The following FBF1 variants were observed in gnomAD, a reference collection of about 807,000 sequenced individuals.
The protein encoded by FBF1 is Fas binding factor 1, also known as fas-binding factor 1.
FBF1 carries 119 observed loss-of-function variants against 147.2 expected under a neutral mutation model. The ratio of observed to expected loss-of-function variants is 0.81; its 90% CI spans 0.70 to 0.94. FBF1 has a LOEUF of 0.94. Ranked by LOEUF, FBF1 falls within the 40% of genes least tolerant of loss-of-function variation. FBF1 has a pLI of 0.00. For synonymous variants in FBF1, 601 were observed against 609.0 expected (o/e 0.99, Z 0.19); for missense variants, 1,449 against 1,500.8 (o/e 0.97, Z 0.57).
Position 75,923,697 on chromosome 17 carries a change from C to T in FBF1, c.969-56G>A. On this transcript the variant is annotated intron_variant, in intron 13 of 29. Transcript: ENST00000636174. This position sits in a 1 kb window ranked among gnomAD's most constrained non-coding sequence, Gnocchi z 4.1. Reference sequence around the variant, plus strand: ...GGGAAACAGCCAGTCCCAGTGGCCCCCTAGCAGCCTGCAGCTGGGCGTCAC... The same window carrying T: ...GGGAAACAGCCAGTCCCAGTGGCCCTCTAGCAGCCTGCAGCTGGGCGTCAC... 6.8e-7 allele frequency: 1 copy of T among 1,472,616 alleles called. No individual in the cohort carries two copies. Among genetic ancestry groups the T allele is most frequent in the Admixed American group, 2.2e-5 (1 of 44,836 alleles). 91.2% of individuals were successfully genotyped at this position (1,472,616 alleles called of 1,614,324 possible).
rs563894839 is a variant in FBF1 at position 75,917,660 on chromosome 17, T to C, written c.2505+72A>G. 5.5e-5 allele frequency: 77 copies of C among 1,387,398 alleles called. 1 individual carries two copies. The African/African-American group carries it at 9.7e-4, about 17-fold the overall frequency. The allele number at this position is 1,387,398 out of a possible 1,614,324, so 85.9% of individuals were successfully genotyped here. On this transcript the variant is annotated intron_variant, in intron 23 of 29. Coordinates refer to ENST00000636174, the MANE Select transcript of FBF1 (RefSeq NM_001319193.2). ...GGAAGTGAGGTCACGGGAGTGCCGC[T>C]ACACTTGCGGGTGCCCTGGAGAAGA...
At chr17:75,921,113 G>C in intron 17 of FBF1, 131 bp downstream of exon 17, 2 of 917,766 alleles carry the variant, frequency 2.2e-6, no homozygotes, top group South Asian at 3.1e-5. Flanking sequence ...CGGGGAGCTG[G>C]CTGACGTCAC....
chr17:75,914,574 C>G, intron 25 of FBF1, 173 bp downstream of exon 25: 1 of 829,656 alleles, frequency 1.2e-6, no homozygotes. Flanking sequence ...TATAATGCAC[C>G]TGGGACAATA....
At chr17:75,931,360 G>T in intron 5 of FBF1, 71 bp from the exon 6 acceptor site, 1 of 1,387,190 alleles carries the variant, frequency 7.2e-7, no homozygotes, top group Non-Finnish European at 1.0e-6. Context: ...GGGAGGAGTA[G>T]CTTAGAAAGC....
In FBF1 at chr17:75,912,255, G is replaced by A. The variant is rs780232967; in HGVS notation, c.3300C>T (p.Gly1100=). Residue 1100 remains glycine, a synonymous_variant, in exon 29 of 30, where the codon GGC becomes GGT. Transcript: ENST00000636174. ...TTRWCSQPPT[G]LDPSPLHLHA... is the part of the protein sequence containing the mutation. ...GGAGGTGCAAGGGGCTGGGGTCCAG[G>A]CCAGTTGGCGGCTGGCTGCACCAAC... The A allele has an allele frequency of 6.2e-7, 1 of 1,610,958 alleles. No homozygotes were observed. The highest frequency in any genetic ancestry group is 1.1e-5 in the South Asian group (1 of 90,580).
Position 75,910,787 on chromosome 17 carries a change from T to C in FBF1, c.3383A>G (p.Asn1128Ser). 6.2e-7 allele frequency: 1 copy of C among 1,610,966 alleles called. No homozygotes were observed. The highest frequency in any genetic ancestry group is 8.5e-7 in the Non-Finnish European group (1 of 1,178,686). Residue 1128 changes from asparagine (N) to serine (S), a missense_variant, in exon 30 of 30, where the codon AAT (asparagine) becomes AGT (serine). Transcript: ENST00000636174. The surrounding 1 kb of genome is among the most constrained non-coding windows in gnomAD (Gnocchi z 4.1). ...MAEQDRDFLE[N>S]EQFFLETLKK... is the part of the protein sequence containing the mutation. ...CAGGGTCTCCAGGAAGAACTGTTCA[T>C]TCTCCAAGAAGTCACGGTCCTGCAA...
At position 75,910,530 on chromosome 17, in the gene FBF1, G is replaced by A. The variant is rs1458982827; in HGVS notation, c.*193C>T. ...ATGGTAAGATAGCCTACACCACAGA[G>A]CCCCAGAGGCAGGGGCTGCCCCGGG... is the stretch of plus-strand genomic sequence containing the variant. On this transcript the variant is annotated 3_prime_UTR_variant, in exon 30 of 30. Coordinates refer to ENST00000636174, the MANE Select transcript of FBF1 (RefSeq NM_001319193.2). This position sits in a 1 kb window ranked among gnomAD's most constrained non-coding sequence, Gnocchi z 4.1. The A allele has an allele frequency of 5.1e-6, 3 of 582,996 alleles. No individual in the cohort carries two copies. Among genetic ancestry groups the A allele is most frequent in the Non-Finnish European group, 9.2e-6 (3 of 327,648 alleles). The allele number at this position is 582,996 out of a possible 1,614,324, so 36.1% of individuals were successfully genotyped here. A position where few individuals can be genotyped will look rare whatever the true frequency, so the allele number is the denominator to read the frequency against.
rs202089990 is a variant in FBF1 at position 75,926,131 on chromosome 17, T to A, written c.767A>T (p.Asp256Val). The A allele has an allele frequency of 3.8e-5, 62 of 1,610,632 alleles. No individual in the cohort carries two copies. Among genetic ancestry groups the A allele is most frequent in the Admixed American group, 3.5e-4 (21 of 59,474 alleles). ...GGCCATGCCTCGACCCAGCAGCTCA[T>A]CCAGCGTGGAGCGAGCAGGGCGAGG... is the stretch of plus-strand genomic sequence containing the variant. ...EGPRPARSTL[D>V]ELLGRGMATK... Residue 256 changes from aspartate to valine, a missense_variant, in exon 12 of 30, where the codon GAT becomes GTT. Transcript: ENST00000636174.
At chr17:75,939,069 G>A (rs2065643506) in intron 1 of FBF1, among the ~76,000 whole-genome samples, 1 of 152,094 alleles carries the variant, frequency 6.6e-6, no homozygotes, top group Non-Finnish European at 1.5e-5. Flanking sequence ...GCTGAGGTGG[G>A]CAGATCATTT....
intron 25 of FBF1, 95 bp downstream of exon 25, chr17:75,914,652 A>G (rs2065476600): frequency 1.5e-6 from 2 of 1,296,270 alleles, no homozygotes. Context: ...CATTAGTGCT[A>G]CACTCTCCTT....
Position 75,926,021 on chromosome 17 carries a change from C to A in FBF1, c.868+9G>T, listed in dbSNP as rs2065558993. 1.9e-6 allele frequency: 3 copies of A among 1,600,524 alleles called. No individual in the cohort carries two copies. Among genetic ancestry groups the A allele is most frequent in the East Asian group, 4.5e-5 (2 of 44,670 alleles). On this transcript the variant is annotated intron_variant, in intron 12 of 29. Transcript: ENST00000636174. ...CCCGTCCTGTTGCGGCCCCCGCAAGCCTCCTTACCCTGTGGCCTCTGGTAC... is the reference window on the plus strand; with the variant it reads ...CCCGTCCTGTTGCGGCCCCCGCAAGACTCCTTACCCTGTGGCCTCTGGTAC...
intron 23 of FBF1, 104 bp downstream of exon 23, chr17:75,917,628 C>T (rs1435527528): frequency 2.8e-6 from 3 of 1,064,982 alleles, no homozygotes; most frequent in African/African-American, 3.1e-5. Context: ...GGGCCTTGAC[C>T]TCCTGAGGAA....
intron 4 of FBF1, among the ~76,000 whole-genome samples, chr17:75,933,871 A>T (rs1567864031): frequency 6.6e-6 from 1 of 152,210 alleles, no homozygotes; most frequent in Non-Finnish European, 1.5e-5. Context: ...TACCCACTTT[A>T]CACCCTCTAG....
At position 75,912,243 on chromosome 17, in the gene FBF1, G is replaced by A; in HGVS notation, c.3312C>T (p.Ser1104=). 1.2e-6 allele frequency: 2 copies of A among 1,611,562 alleles called. No homozygotes were observed. The highest frequency in any genetic ancestry group is 8.5e-7 in the Non-Finnish European group (1 of 1,179,330). The stretch of plus-strand genomic sequence containing the variant: ...CCAGCCTGGCATGGAGGTGCAAGGG[G>A]CTGGGGTCCAGGCCAGTTGGCGGCT... ...CSQPPTGLDP[S]PLHLHARLAL... is the part of the protein sequence containing the mutation. The change falls in exon 29 of 30, where the codon AGC becomes AGT. Residue 1104 remains serine (S), a synonymous_variant. Transcript: ENST00000636174.
Position 75,920,364 on chromosome 17 carries a change from C to A in FBF1, c.1740G>T (p.Leu580=). 1 of 1,606,144 alleles carries A rather than the reference C, an allele frequency of 6.2e-7. No homozygotes were observed. The highest frequency in any genetic ancestry group is 8.5e-7 in the Non-Finnish European group (1 of 1,176,984). ...LPSTEYQKQL[L]AAQVQLQCSP... ...TGCACTGAAGTTGCACCTGTGCTGC[C>A]AGGAGCTGCTTCTGGTATTCTGTGC... The change falls in exon 18 of 30, where the codon CTG becomes CTT. Residue 580 remains leucine (L), a synonymous_variant. Transcript: ENST00000636174.
At chr17:75,926,947 G>A in intron 9 of FBF1, 70 bp from the exon 10 acceptor site, 6 of 1,553,184 alleles carry the variant, frequency 3.9e-6, no homozygotes, top group Non-Finnish European at 5.2e-6. Context: ...CTGAACTGGG[G>A]AGCAGCGCTC....
chr17:75,925,944 G>A lies in FBF1; in HGVS notation c.868+86C>T, dbSNP rs2065558318. The A allele has an allele frequency of 5.4e-6, 8 of 1,470,978 alleles. No individual in the cohort carries two copies. Among genetic ancestry groups the A allele is most frequent in the East Asian group, 2.4e-5 (1 of 41,964 alleles). The allele number at this position is 1,470,978 out of a possible 1,614,324, so 91.1% of individuals were successfully genotyped here. On this transcript the variant is annotated intron_variant, in intron 12 of 29. Transcript: ENST00000636174. The surrounding 1 kb of genome is among the most constrained non-coding windows in gnomAD (Gnocchi z 5.0). ...ATCACATGTGTGTATCAGGATGTGA[G>A]GCTGATTTCTCATTATAGGTTGTGA... is the stretch of plus-strand genomic sequence containing the variant.
Position 75,920,356 on chromosome 17 carries a change from T to C in FBF1, c.1748A>G (p.Gln583Arg). ...AGCGGGGCTGCACTGAAGTTGCACC[T>C]GTGCTGCCAGGAGCTGCTTCTGGTA... The part of the protein sequence containing the change: ...TEYQKQLLAA[Q>R]VQLQCSPAEL... Residue 583 changes from glutamine to arginine, a missense_variant, in exon 18 of 30, where the codon CAG becomes CGG. Physicochemically the swap from Gln to Arg is conservative, Grantham distance 43. Transcript: ENST00000636174. 1 of 1,607,662 alleles carries C rather than the reference T, an allele frequency of 6.2e-7. No homozygotes were observed. The highest frequency in any genetic ancestry group is 8.5e-7 in the Non-Finnish European group (1 of 1,177,698).
intron 28 of FBF1, 116 bp downstream of exon 28, chr17:75,913,586 G>A (rs117487894): frequency 0.015 from 9,999 of 654,680 alleles, 142 homozygotes; most frequent in Non-Finnish European, 0.017. Context: ...GAAATAAGGC[G>A]ACTATAAAAC....
Sources: allele counts gnomAD v4.1 joint callset (sites outside exome capture counted in the v4.1 genomes callset), GRCh38; gene constraint gnomAD v4.1.1; non-coding constraint Gnocchi (gnomAD v3.1); transcripts MANE v1.5; gene names NCBI Gene and HGNC (gene_info 2026-07-23, HGNC 2026-07-21).